RIMS2: variants seen among roughly 807,000 people sequenced by gnomAD.
The protein encoded by RIMS2 is regulating synaptic membrane exocytosis 2, also known as regulating synaptic membrane exocytosis protein 2.
A neutral mutation model predicts 174.4 loss-of-function variants in RIMS2; 59 were observed. That is an observed-to-expected ratio of 0.34 (90% confidence interval 0.27 to 0.42). The LOEUF is 0.42. Ranked by LOEUF, RIMS2 falls within the 10% of genes least tolerant of loss-of-function variation. The pLI is 1.00. For missense variants in RIMS2, 1,620 were observed against 1,666.3 expected (o/e 0.97, Z 0.48); for synonymous variants, 606 against 572.5 (o/e 1.06, Z -0.84).
At chr8:104,143,149 C>A (rs558529095) in intron 19 of RIMS2, among the ~76,000 whole-genome samples, 1 of 152,288 alleles carries the variant, frequency 6.6e-6, no homozygotes, top group South Asian at 2.1e-4. Flanking sequence ...TATGTCATAT[C>A]ATTTTTGTAT....
chr8:103,554,175 C>CA (rs962622414), intron 1 of RIMS2, among the ~76,000 whole-genome samples: 10 of 151,432 alleles, frequency 6.6e-5, no homozygotes, highest in East Asian at 3.9e-4. Flanking sequence ...AAAGGAATTG[C>CA]AAAAAAAATG....
At chr8:103,930,343 T>C (rs552182241) in intron 11 of RIMS2, among the ~76,000 whole-genome samples, 47 of 152,154 alleles carry the variant, frequency 3.1e-4, no homozygotes, top group African/African-American at 1.1e-3. Context: ...GTATAACCAG[T>C]AGTGGTTTTT....
intron 2 of RIMS2, among the ~76,000 whole-genome samples, chr8:103,736,496 GGGACACAAAACTATATTCT>G (rs1364997386): frequency 3.2e-4 from 48 of 152,132 alleles, no homozygotes; most frequent in Non-Finnish European, 1.3e-4. Context: ...CCCAAGTGAA[GGGACACAAAACTATATTCT>G]GGTATTAGTG....
intron 19 of RIMS2, among the ~76,000 whole-genome samples, chr8:104,107,498 T>C (rs2098094237): frequency 1.3e-5 from 2 of 152,200 alleles, no homozygotes; most frequent in Admixed American, 1.3e-4. Context: ...AGGGACTCAA[T>C]AAAACTTTGT....
chr8:103,542,074 A>G (rs555945335), intron 1 of RIMS2, among the ~76,000 whole-genome samples: 1 of 152,220 alleles, frequency 6.6e-6, no homozygotes, highest in East Asian at 1.9e-4. Flanking sequence ...AGAGGGAAGG[A>G]AATAGTAAAC....
At chr8:103,722,226 T>C (rs1407358532) in intron 2 of RIMS2, among the ~76,000 whole-genome samples, 3 of 151,896 alleles carry the variant, frequency 2.0e-5, no homozygotes, top group Admixed American at 6.6e-5. Flanking sequence ...AAAAAAAAAT[T>C]AGCCTAGCAT....
intron 3 of RIMS2, among the ~76,000 whole-genome samples, chr8:103,814,173 C>T (rs2098705007): frequency 6.6e-6 from 1 of 152,108 alleles, no homozygotes; most frequent in Admixed American, 6.6e-5. Flanking sequence ...TATATGTTCT[C>T]ACTTATAAAT....
chr8:104,194,242 G>A (rs926272845), intron 19 of RIMS2, among the ~76,000 whole-genome samples: 13 of 151,732 alleles, frequency 8.6e-5, no homozygotes, highest in Non-Finnish European at 2.9e-5. Flanking sequence ...AGACATTGTG[G>A]CCCCAAAATT....
intron 19 of RIMS2, among the ~76,000 whole-genome samples, chr8:104,134,464 C>A (rs1215489765): frequency 6.6e-6 from 1 of 152,174 alleles, no homozygotes; most frequent in East Asian, 1.9e-4. Flanking sequence ...GACTTCATCT[C>A]AAAAACAAAC....
chr8:103,577,130 G>A (rs1404035568), intron 1 of RIMS2, among the ~76,000 whole-genome samples: 1 of 152,154 alleles, frequency 6.6e-6, no homozygotes, highest in Non-Finnish European at 1.5e-5. Context: ...TCATCAGAGT[G>A]AACAGGCAAC....
rs267601694 is a variant in RIMS2, at chr8:104,251,056, G to A, written c.3724G>A (p.Gly1242Arg). 7.4e-6 allele frequency: 12 copies of A among 1,613,126 alleles called. No homozygotes were observed. Among genetic ancestry groups the A allele is most frequent in the East Asian group, 4.5e-5 (2 of 44,886 alleles). Residue 1242 changes from glycine to arginine, a missense_variant, in exon 23 of 24, where the codon GGA becomes AGA. Around this residue, in one of 2 missense-constraint regions of RIMS2, gnomAD observed 225 missense variants for 306.2 expected, o/e 0.73. Transcript: ENST00000504942. ...TGTAAAAGTGTATCTATTAGATAAC[G>A]GAGTCTGCATAGCCAAAAAGAAAAC...
intron 17 of RIMS2, among the ~76,000 whole-genome samples, chr8:103,995,570 T>C (rs904323156): frequency 1.5e-4 from 23 of 152,038 alleles, no homozygotes; most frequent in Non-Finnish European, 2.9e-5. Context: ...AGGTAGTCTG[T>C]TGTACCTAGA....
chr8:104,115,723 T>C (rs1031759509), intron 19 of RIMS2, among the ~76,000 whole-genome samples: 1 of 152,134 alleles, frequency 6.6e-6, no homozygotes. Context: ...ATATAAGTGA[T>C]TGAAGTAAGT....
At chr8:103,599,319 AT>A (rs1397526507) in intron 1 of RIMS2, among the ~76,000 whole-genome samples, 1 of 151,076 alleles carries the variant, frequency 6.6e-6, no homozygotes, top group African/African-American at 2.4e-5. Context: ...TGTCCAAGGT[AT>A]CACAAGTAGT....
intron 1 of RIMS2, among the ~76,000 whole-genome samples, chr8:103,635,207 C>G (rs2096046028): frequency 6.6e-6 from 1 of 152,164 alleles, no homozygotes; most frequent in Non-Finnish European, 1.5e-5. Context: ...TGGTAGTGGT[C>G]TTTCTTTTCT....
chr8:104,131,934 C>T (rs556333984), intron 19 of RIMS2, among the ~76,000 whole-genome samples: 1 of 151,974 alleles, frequency 6.6e-6, no homozygotes, highest in South Asian at 2.1e-4. Flanking sequence ...ATAATGGGAA[C>T]TAATTGCCAT....
intron 19 of RIMS2, among the ~76,000 whole-genome samples, chr8:104,240,585 G>T (rs576744640): frequency 6.6e-6 from 1 of 152,288 alleles, no homozygotes; most frequent in East Asian, 1.9e-4. Context: ...AGATGATAGT[G>T]ATTAGCATAT....
chr8:103,646,235 G>C (rs2135681017), intron 1 of RIMS2, among the ~76,000 whole-genome samples: 1 of 152,248 alleles, frequency 6.6e-6, no homozygotes, highest in South Asian at 2.1e-4. Context: ...CAGGGGATAT[G>C]ATGGCTTAAC....
rs1390690031 is a variant in RIMS2, at chr8:103,607,789, G to A, written c.177-89297G>A. Among the ~76,000 whole-genome samples the A allele has an allele frequency of 3.0e-5, 4 of 133,690 alleles. No homozygotes were observed. In the South Asian group the frequency reaches 7.2e-4, roughly 24 times the overall value. 87.7% of individuals were successfully genotyped at this position (133,690 alleles called of 152,430 possible). ...CTGATACCCTTTCTTCCAGTTGATC[G>A]CATCGGCTCCTGAGGCTTCTGCATT... On this transcript the variant is annotated intron_variant, in intron 1 of 23. Transcript: ENST00000504942.
Sources: allele counts gnomAD v4.1 joint callset (sites outside exome capture counted in the v4.1 genomes callset), GRCh38; gene constraint gnomAD v4.1.1; regional missense constraint gnomAD v4.1.1; transcripts MANE v1.5; gene names NCBI Gene and HGNC (gene_info 2026-07-23, HGNC 2026-07-21).